FHIT: variants seen among roughly 807,000 people sequenced by gnomAD.
FHIT encodes the protein fragile histidine triad diadenosine triphosphatase, also known as bis(5'-adenosyl)-triphosphatase.
FHIT carries 19 observed loss-of-function variants against 17.9 expected under a neutral mutation model. The observed-to-expected ratio is 1.06, with a 90% CI of 0.74 to 1.56. The LOEUF (loss-of-function observed/expected upper bound fraction) is 1.56, where lower values mean the gene tolerates loss of function less well. Ranked by LOEUF, FHIT falls within the 40% of genes most tolerant of loss-of-function variation. FHIT has a pLI of 0.00. For synonymous variants in FHIT, 81 were observed against 69.7 expected, an observed-to-expected ratio of 1.16 and a Z score of -0.81; for missense variants, 248 against 189.2, an observed-to-expected ratio of 1.31 and a Z score of -1.82.
intron 3 of FHIT, among the ~76,000 whole-genome samples, chr3:60,957,388 C>G (rs781944470): frequency 6.6e-6 from 1 of 151,994 alleles, no homozygotes; most frequent in Non-Finnish European, 1.5e-5. Flanking sequence ...CAGGCACGTG[C>G]CACCACACCT....
chr3:61,044,777 G>A (rs4688469), intron 2 of FHIT, among the ~76,000 whole-genome samples: 90,212 of 152,090 alleles, frequency 0.59, 29,071 homozygotes, highest in East Asian at 0.85. Flanking sequence ...GACTAACAGC[G>A]GATCTCTCAG....
At chr3:61,076,062 A>C (rs2034961713) in intron 2 of FHIT, among the ~76,000 whole-genome samples, 1 of 152,162 alleles carries the variant, frequency 6.6e-6, no homozygotes, top group African/African-American at 2.4e-5. Flanking sequence ...GAAGGGAAGT[A>C]AGCTATAGAC....
intron 3 of FHIT, among the ~76,000 whole-genome samples, chr3:60,881,250 C>G (rs1397331125): frequency 6.6e-6 from 1 of 152,150 alleles, no homozygotes; most frequent in East Asian, 1.9e-4. Context: ...GAAGCTACAA[C>G]AGTTATATAT....
At chr3:60,845,144 A>T (rs1205462774) in intron 3 of FHIT, among the ~76,000 whole-genome samples, 1 of 152,134 alleles carries the variant, frequency 6.6e-6, no homozygotes, top group Non-Finnish European at 1.5e-5. Context: ...CAATGTTTAA[A>T]TATATTAAGG....
At chr3:60,179,013 T>C (rs1222900632) in intron 5 of FHIT, among the ~76,000 whole-genome samples, 1 of 152,148 alleles carries the variant, frequency 6.6e-6, no homozygotes, top group Non-Finnish European at 1.5e-5. Context: ...GCCCCTTAAT[T>C]ACACTATAAG....
intron 5 of FHIT, among the ~76,000 whole-genome samples, chr3:60,279,063 G>C (rs1003490255): frequency 2.6e-5 from 4 of 151,952 alleles, no homozygotes; most frequent in African/African-American, 7.3e-5. Context: ...ATTGAAAATA[G>C]GAAATCAATC....
chr3:60,141,250 T>C (rs572215835), intron 5 of FHIT, among the ~76,000 whole-genome samples: 2 of 152,032 alleles, frequency 1.3e-5, no homozygotes, highest in Non-Finnish European at 2.9e-5. Flanking sequence ...CAGAAAATGA[T>C]CATTACTAAA....
chr3:60,570,046 G>T (rs1027650850), intron 4 of FHIT, among the ~76,000 whole-genome samples: 1 of 151,888 alleles, frequency 6.6e-6, no homozygotes, highest in Non-Finnish European at 1.5e-5. Flanking sequence ...AAATTCCAAA[G>T]CCCAGACTAT....
intron 5 of FHIT, among the ~76,000 whole-genome samples, chr3:60,365,053 TA>T (rs911312924): frequency 2.0e-5 from 3 of 150,742 alleles, no homozygotes; most frequent in African/African-American, 7.3e-5. Flanking sequence ...TCTGAATATA[TA>T]TATATATATT....
At chr3:60,899,343 C>T (rs1015454827) in intron 3 of FHIT, among the ~76,000 whole-genome samples, 3 of 152,136 alleles carry the variant, frequency 2.0e-5, no homozygotes, top group Non-Finnish European at 2.9e-5. Context: ...TTTTGTATCT[C>T]GAACTTAGCT....
At chr3:60,258,920 G>A (rs1247511420) in intron 5 of FHIT, among the ~76,000 whole-genome samples, 2 of 152,000 alleles carry the variant, frequency 1.3e-5, no homozygotes, top group African/African-American at 2.4e-5. Flanking sequence ...TCTGTGGAGG[G>A]TACCTCTTGA....
At chr3:60,873,167 G>C (rs1704489043) in intron 3 of FHIT, among the ~76,000 whole-genome samples, 1 of 151,848 alleles carries the variant, frequency 6.6e-6, no homozygotes, top group South Asian at 2.1e-4. Context: ...GAGAGTGAGA[G>C]ATCACACTAC....
chr3:60,164,208 C>T (rs7613687), intron 5 of FHIT, among the ~76,000 whole-genome samples: 20,646 of 152,142 alleles, frequency 0.14, 3,058 homozygotes, highest in East Asian at 0.36. Context: ...GCAGGATGGA[C>T]ATTAACCAAA....
intron 2 of FHIT, among the ~76,000 whole-genome samples, chr3:61,064,509 C>G (rs57613432): frequency 0.041 from 6,264 of 152,194 alleles, 409 homozygotes; most frequent in African/African-American, 0.14. Context: ...ATTTATGGTA[C>G]TATTAGTTGG....
chr3:60,448,427 AAAG>A lies in FHIT; in HGVS notation c.103+88430_103+88432del, dbSNP rs373716423. Among the ~76,000 whole-genome samples, 30 of 152,330 alleles carry A rather than the reference AAAG, an allele frequency of 2.0e-4. No homozygotes were observed. In the South Asian group the frequency reaches 5.4e-3, roughly 27 times the overall value. ...GTATCAACTGATGTCCAAAAAATAA[AAAG>A]AAGAGCATTTTCTGTATGTGGTAGG... On this transcript the variant is annotated intron_variant, in intron 5 of 9. Coordinates refer to ENST00000492590, the MANE Select transcript of FHIT (RefSeq NM_002012.4).
chr3:59,779,228 T>C (rs1456106894), intron 8 of FHIT, among the ~76,000 whole-genome samples: 1 of 152,178 alleles, frequency 6.6e-6, no homozygotes, highest in Non-Finnish European at 1.5e-5. Flanking sequence ...TAGGTGCCAC[T>C]CAGACTCTAG....
intron 8 of FHIT, among the ~76,000 whole-genome samples, chr3:59,775,084 T>C (rs1702245107): frequency 6.6e-6 from 1 of 152,226 alleles, no homozygotes; most frequent in Admixed American, 6.5e-5. Flanking sequence ...CAGTTTCGAC[T>C]CATGTGCTTA....
chr3:59,937,358 T>C (rs765316451), intron 7 of FHIT, among the ~76,000 whole-genome samples: 3 of 152,164 alleles, frequency 2.0e-5, no homozygotes, highest in Non-Finnish European at 4.4e-5. Flanking sequence ...AAGATACAGA[T>C]AGTCAGCCTC....
chr3:61,043,437 T>TGC, intron 2 of FHIT, among the ~76,000 whole-genome samples: 1 of 152,122 alleles, frequency 6.6e-6, no homozygotes, highest in African/African-American at 2.4e-5. Flanking sequence ...GGGGCATCCA[T>TGC]CATTGCTGAG....
Sources: allele counts gnomAD v4.1 joint callset (sites outside exome capture counted in the v4.1 genomes callset), GRCh38; gene constraint gnomAD v4.1.1; transcripts MANE v1.5; gene names NCBI Gene and HGNC (gene_info 2026-07-23, HGNC 2026-07-21).